The following DNAAF8 variants were observed in gnomAD, a reference collection of about 807,000 sequenced individuals.
The protein encoded by DNAAF8 is dynein axonemal-associated protein 1.
A neutral mutation model predicts 54.6 loss-of-function variants in DNAAF8; 61 were observed. That is an observed-to-expected ratio of 1.12 (90% CI 0.91 to 1.38). DNAAF8 has a LOEUF of 1.38. Ranked by LOEUF, DNAAF8 falls within the 40% of genes most tolerant of loss-of-function variation. The probability of loss-of-function intolerance (pLI) is 0.00; values close to 1 mark genes in which losing one functional copy is unlikely to be tolerated. For missense variants in DNAAF8, 837 were observed against 665.0 expected (o/e 1.26, Z -2.85); for synonymous variants, 320 against 270.1 (o/e 1.18, Z -1.81).
At chr16:4,745,386 C>T (rs544347342) in intron 6 of DNAAF8, among the ~76,000 whole-genome samples, 14 of 152,324 alleles carry the variant, frequency 9.2e-5, no homozygotes, top group African/African-American at 3.4e-4. Flanking sequence ...CATGTGACCC[C>T]AGCTGCGGGA....
At chr16:4,740,110 T>C (rs368134916) in intron 3 of DNAAF8, 43 bp from the exon 4 acceptor site, 3 of 1,504,776 alleles carry the variant, frequency 2.0e-6, no homozygotes, top group Non-Finnish European at 1.8e-6. Context: ...CCCTGAAGCA[T>C]GTTTTTGAGG....
intron 4 of DNAAF8, 138 bp downstream of exon 4, chr16:4,740,797 C>T (rs1596483520): frequency 4.3e-6 from 5 of 1,152,622 alleles, no homozygotes; most frequent in Non-Finnish European, 4.8e-6. Flanking sequence ...ATTCTGTGTA[C>T]CTGTCTCAGT....
chr16:4,735,492 G>T (rs2081876181), intron 1 of DNAAF8, among the ~76,000 whole-genome samples: 1 of 151,996 alleles, frequency 6.6e-6, no homozygotes, highest in South Asian at 2.1e-4. Context: ...GCGGCCTCTC[G>T]AGCTGCAGAG....
rs767537852 is a variant in DNAAF8 at position 4,744,973 on chromosome 16, C to T, written c.1005C>T (p.Asp335=). The T allele has an allele frequency of 6.2e-7, 1 of 1,614,046 alleles. No homozygotes were observed. The highest frequency in any genetic ancestry group is 1.1e-5 in the South Asian group (1 of 91,082). Residue 335 remains aspartate, a synonymous_variant, in exon 6 of 10, where the codon GAC becomes GAT. Coordinates refer to ENST00000299320, the MANE Select transcript of DNAAF8 (RefSeq NM_139170.3). ...CTTGTGCCCGGAAGGTGCCTGCCGACACTCCCCAGGACACCAAAGAGGCAG... is the reference window on the plus strand; with the variant it reads ...CTTGTGCCCGGAAGGTGCCTGCCGATACTCCCCAGGACACCAAAGAGGCAG... The part of the protein sequence containing the change: ...ASACARKVPA[D]TPQDTKEADS...
intron 4 of DNAAF8, among the ~76,000 whole-genome samples, chr16:4,742,554 A>C (rs2081970125): frequency 4.6e-5 from 2 of 43,784 alleles, no homozygotes; most frequent in Admixed American, 2.1e-4. Context: ...TAAAAATACA[A>C]AAAAAAAAAA....
chr16:4,747,005 T>G lies in DNAAF8; in HGVS notation c.1260T>G (p.Ser420=), dbSNP rs1224260692. 1 of 1,535,720 alleles carries G rather than the reference T, an allele frequency of 6.5e-7. No homozygotes were observed. ...CTCTGGGAGACGCAGAGGGGGCATC[T>G]CCTTCCTCCCTGGGGCTACGGTAAC... ...MAALGDAEGA[S]PSSLGLRTCT... Residue 420 remains serine (S), a synonymous_variant, in exon 8 of 10, where the codon TCT becomes TCG. Coordinates refer to ENST00000299320, the MANE Select transcript of DNAAF8 (RefSeq NM_139170.3).
Position 4,737,853 on chromosome 16 carries a change from G to C in DNAAF8, c.183G>C (p.Leu61=). 6.2e-7 allele frequency: 1 copy of C among 1,614,130 alleles called. No individual in the cohort carries two copies. The highest frequency in any genetic ancestry group is 1.7e-4 in the Middle Eastern group (1 of 6,058). ...TCTTCCAGCGAAACCAAACCTCCCTGATTCCAGACCTGTCGGAGGAGCTGG... is the reference window on the plus strand; with the variant it reads ...TCTTCCAGCGAAACCAAACCTCCCTCATTCCAGACCTGTCGGAGGAGCTGG... The part of the protein sequence containing the change: ...LFIFQRNQTS[L]IPDLSEELAE... The change falls in exon 3 of 10, where the codon CTG becomes CTC. Residue 61 remains leucine (L), a synonymous_variant. Transcript: ENST00000299320.
intron 8 of DNAAF8, 94 bp from the exon 9 acceptor site, chr16:4,747,249 G>A (rs1329760632): frequency 7.0e-7 from 1 of 1,424,340 alleles, no homozygotes; most frequent in Non-Finnish European, 9.5e-7. Context: ...TGAAATGGGA[G>A]CTGGGCTCAT....
At chr16:4,742,292 T>C (rs1400515445) in intron 4 of DNAAF8, among the ~76,000 whole-genome samples, 1 of 152,156 alleles carries the variant, frequency 6.6e-6, no homozygotes, top group African/African-American at 2.4e-5. Context: ...CGGTGGCTTA[T>C]GCCTGTAATC....
intron 7 of DNAAF8, 200 bp downstream of exon 7, chr16:4,746,712 G>A (rs556158177): frequency 5.0e-5 from 41 of 824,238 alleles, no homozygotes; most frequent in East Asian, 4.9e-4. Flanking sequence ...ACACCTCCTC[G>A]GGCTGGGCTC....
At chr16:4,739,773 A>G (rs1450479296) in intron 3 of DNAAF8, among the ~76,000 whole-genome samples, 8 of 152,042 alleles carry the variant, frequency 5.3e-5, no homozygotes, top group Non-Finnish European at 1.2e-4. Flanking sequence ...GGTCAGGCAC[A>G]GTGGCTTGTG....
chr16:4,745,032 C>G, intron 6 of DNAAF8, 21 bp downstream of exon 6: 2 of 1,608,726 alleles, frequency 1.2e-6, no homozygotes, highest in Non-Finnish European at 1.7e-6. Flanking sequence ...TAGCCAGGCC[C>G]GGCTCCTGTG....
chr16:4,744,861 C>G lies in DNAAF8; in HGVS notation c.902-9C>G. Reference sequence around the variant, plus strand: ...CCCACTAATCAGCCTCTCCTTTGGCCATCCTCAGACCGCATGGTGCCGAGC... The same window carrying G: ...CCCACTAATCAGCCTCTCCTTTGGCGATCCTCAGACCGCATGGTGCCGAGC... On this transcript the variant is annotated splice_polypyrimidine_tract_variant and intron_variant, in intron 5 of 9. Transcript: ENST00000299320. 3 of 1,609,354 alleles carry G rather than the reference C, an allele frequency of 1.9e-6. No individual in the cohort carries two copies. Among genetic ancestry groups the G allele is most frequent in the Non-Finnish European group, 2.5e-6 (3 of 1,177,104 alleles).
intron 6 of DNAAF8, among the ~76,000 whole-genome samples, chr16:4,745,558 T>C (rs2082004349): frequency 2.0e-5 from 3 of 152,330 alleles, no homozygotes; most frequent in Middle Eastern, 3.4e-3. Flanking sequence ...CCCCACACTT[T>C]GGTTGCTCCG....
rs763869305 is a variant in DNAAF8, at chr16:4,746,951, TGAG to T, written c.1221_1223del (p.Glu409del). 4.0e-3 allele frequency: 5,824 copies of T among 1,464,510 alleles called. No individual in the cohort carries two copies. Among genetic ancestry groups the T allele is most frequent in the South Asian group, 0.012 (932 of 75,218 alleles). The allele number at this position is 1,464,510 out of a possible 1,614,324, so 90.7% of individuals were successfully genotyped here. ...GCTCCAGCCACAGCTCCTCTGACAG[TGAG>T]GAGGAGGAGGAGGAAGAGATGGCAG... On this transcript the variant is annotated inframe_deletion, in exon 8 of 10. Transcript: ENST00000299320.
At chr16:4,737,986 G>T (rs859310) in intron 3 of DNAAF8, 40 bp downstream of exon 3, 1 of 1,596,190 alleles carries the variant, frequency 6.3e-7, no homozygotes, top group Non-Finnish European at 8.6e-7. Flanking sequence ...GTGTGTGTGC[G>T]ATGTTAGTCT....
Position 4,740,280 on chromosome 16 carries a change from C to T in DNAAF8, c.404C>T (p.Ala135Val), listed in dbSNP as rs2081945157. 1.9e-6 allele frequency: 3 copies of T among 1,613,904 alleles called. No homozygotes were observed. The highest frequency in any genetic ancestry group is 1.3e-5 in the African/African-American group (1 of 74,882). ...RPFESSGEVS[A>V]LLGMAEEPPR... ...TTTGAAAGCTCTGGTGAGGTCAGCG[C>T]TCTTCTTGGGATGGCCGAGGAGCCC... The change falls in exon 4 of 10, where the codon GCT becomes GTT. Residue 135 changes from alanine to valine, a missense_variant. Coordinates refer to ENST00000299320, the MANE Select transcript of DNAAF8 (RefSeq NM_139170.3).
rs148678041 is a variant in DNAAF8, at chr16:4,747,410, G to A, written c.1348G>A (p.Glu450Lys). The A allele has an allele frequency of 2.0e-5, 32 of 1,612,796 alleles. No homozygotes were observed. Among genetic ancestry groups the A allele is most frequent in the Admixed American group, 1.8e-4 (11 of 60,016 alleles). The change falls in exon 9 of 10, where the codon GAG (glutamate) becomes AAG (lysine). Residue 450 changes from glutamate (E) to lysine (K), a missense_variant. Physicochemically the swap from Glu to Lys is moderately conservative, Grantham distance 56 (BLOSUM62 1). Transcript: ENST00000299320. ...CTTTCAGAAGGGGACAGCCCAGCCC[G>A]AGCTGCCTGCCAGCAAGGGGCCCGC... ...RAFQKGTAQP[E>K]LPASKGPAGG...
chr16:4,746,160 T>C (rs771112569), intron 6 of DNAAF8: 7 of 509,020 alleles, frequency 1.4e-5, no homozygotes, highest in African/African-American at 3.9e-5. Flanking sequence ...ATAGAGAGCA[T>C]GTCCATCATG....
Sources: allele counts gnomAD v4.1 joint callset (sites outside exome capture counted in the v4.1 genomes callset), GRCh38; gene constraint gnomAD v4.1.1; transcripts MANE v1.5; gene names NCBI Gene and HGNC (gene_info 2026-07-23, HGNC 2026-07-21).